Variants in RHOA observed in about 807,000 individuals in gnomAD.
RHOA encodes the protein ras homolog family member A.
RHOA carries 3 observed loss-of-function variants against 17.5 expected under a neutral mutation model. That is an observed-to-expected ratio of 0.17 (90% CI 0.08 to 0.44). RHOA has a LOEUF of 0.44. Among genes scored for constraint, RHOA ranks in the 20% least tolerant of loss-of-function variants. The pLI, the probability that RHOA is intolerant of heterozygous loss-of-function variation, is 0.99. For synonymous variants in RHOA, 98 were observed against 88.4 expected, an observed-to-expected ratio of 1.11 and a Z score of -0.61; for missense variants, 56 against 242.3, an observed-to-expected ratio of 0.23 and a Z score of 5.10.
chr3:49,402,794 T>C (rs1167066963), intron 1 of RHOA, among the ~76,000 whole-genome samples: 2 of 152,096 alleles, frequency 1.3e-5, no homozygotes, highest in Non-Finnish European at 2.9e-5. Flanking sequence ...TTCCAGCACT[T>C]TGGGAGACCG....
intron 3 of RHOA, among the ~76,000 whole-genome samples, chr3:49,364,378 G>A (rs1345694545): frequency 2.6e-5 from 4 of 152,206 alleles, no homozygotes; most frequent in Non-Finnish European, 5.9e-5. Flanking sequence ...CCAGCTACTT[G>A]AGAGGCTGAG....
chr3:49,372,292 G>A (rs2048158342), intron 2 of RHOA, among the ~76,000 whole-genome samples: 1 of 152,164 alleles, frequency 6.6e-6, no homozygotes, highest in Non-Finnish European at 1.5e-5. Flanking sequence ...AACACCCTCT[G>A]TATTGGTTTG....
intron 1 of RHOA, among the ~76,000 whole-genome samples, chr3:49,393,492 T>C (rs1355471251): frequency 6.6e-6 from 1 of 151,788 alleles, no homozygotes; most frequent in Non-Finnish European, 1.5e-5. Context: ...GAGATGGGGT[T>C]CCATCATATG....
At chr3:49,376,881 C>T (rs2048236381) in intron 1 of RHOA, among the ~76,000 whole-genome samples, 1 of 151,986 alleles carries the variant, frequency 6.6e-6, no homozygotes. Context: ...ATAATCCCAG[C>T]ATTTTGGGAG....
chr3:49,389,327 G>A (rs1374402234), intron 1 of RHOA, among the ~76,000 whole-genome samples: 3 of 151,350 alleles, frequency 2.0e-5, no homozygotes, highest in South Asian at 2.1e-4. Context: ...AAAAAAAAAA[G>A]GAGCATAGTG....
At chr3:49,401,041 CAAAAAAAAA>C (rs57354041) in intron 1 of RHOA, among the ~76,000 whole-genome samples, 1 of 67,584 alleles carries the variant, frequency 1.5e-5, no homozygotes, top group African/African-American at 5.4e-5. Context: ...GACTCCGTCT[CAAAAAAAAA>C]AAAAAAAAAA....
Position 49,375,600 on chromosome 3 carries a change from CAA to C in RHOA, c.-2-11_-2-10del, listed in dbSNP as rs548944670. Reference sequence around the variant, plus strand: ...CCGGATGGCAGCCATTGCTGAAACACAAAACACAGATATTACCTGCAATGCAC... The same window carrying C: ...CCGGATGGCAGCCATTGCTGAAACACAACACAGATATTACCTGCAATGCAC... On this transcript the variant is annotated splice_polypyrimidine_tract_variant and intron_variant, in intron 1 of 4. Transcript: ENST00000418115. 12 of 1,612,202 alleles carry C rather than the reference CAA, an allele frequency of 7.4e-6. No individual in the cohort carries two copies. The South Asian group carries it at 1.3e-4, about 18-fold the overall frequency.
At chr3:49,390,002 C>T in intron 1 of RHOA, among the ~76,000 whole-genome samples, 1 of 151,198 alleles carries the variant, frequency 6.6e-6, no homozygotes, top group East Asian at 1.9e-4. Flanking sequence ...CCCAAGTACA[C>T]ATACTGATTT....
intron 1 of RHOA, among the ~76,000 whole-genome samples, chr3:49,400,068 T>C (rs2048696246): frequency 6.6e-6 from 1 of 151,450 alleles, no homozygotes; most frequent in Non-Finnish European, 1.5e-5. Flanking sequence ...AAAAATTAGC[T>C]GGGCATGGTG....
intron 2 of RHOA, among the ~76,000 whole-genome samples, chr3:49,375,202 G>GT (rs946558238): frequency 6.6e-6 from 1 of 151,956 alleles, no homozygotes; most frequent in African/African-American, 2.4e-5. Flanking sequence ...AGAGGTTGCA[G>GT]TGAGCCAAGA....
intron 1 of RHOA, among the ~76,000 whole-genome samples, chr3:49,376,740 A>G (rs2048234568): frequency 6.6e-6 from 1 of 152,112 alleles, no homozygotes; most frequent in Non-Finnish European, 1.5e-5. Flanking sequence ...GGAAAGAACC[A>G]AAAAAGTCAT....
chr3:49,400,788 G>A (rs9871380), intron 1 of RHOA, among the ~76,000 whole-genome samples: 44,924 of 151,580 alleles, frequency 0.3, 7,145 homozygotes, highest in Middle Eastern at 0.33. Flanking sequence ...GCTCACGCCT[G>A]TAATTCCAGC....
At chr3:49,393,428 T>A (rs1340207208) in intron 1 of RHOA, among the ~76,000 whole-genome samples, 1 of 151,452 alleles carries the variant, frequency 6.6e-6, no homozygotes, top group Non-Finnish European at 1.5e-5. Flanking sequence ...CACCTCAGTA[T>A]CCCAAGTAGC....
intron 1 of RHOA, among the ~76,000 whole-genome samples, chr3:49,386,855 G>A (rs1035891402): frequency 6.6e-6 from 1 of 151,974 alleles, no homozygotes; most frequent in African/African-American, 2.4e-5. Context: ...GCTCACGCCT[G>A]TAATCCCAGC....
chr3:49,360,422 T>C, intron 4 of RHOA, 40 bp from the exon 5 acceptor site: 1 of 1,566,404 alleles, frequency 6.4e-7, no homozygotes, highest in South Asian at 1.2e-5. Context: ...GCTAATAGTG[T>C]GGCATACATA....
At chr3:49,385,501 C>G (rs897988468) in intron 1 of RHOA, among the ~76,000 whole-genome samples, 10 of 152,092 alleles carry the variant, frequency 6.6e-5, no homozygotes, top group Non-Finnish European at 1.0e-4. Flanking sequence ...CAGCAATGAG[C>G]CACCGCACCC....
intron 1 of RHOA, among the ~76,000 whole-genome samples, chr3:49,403,020 G>C (rs1244167713): frequency 2.1e-5 from 3 of 142,002 alleles, no homozygotes; most frequent in Non-Finnish European, 3.0e-5. Flanking sequence ...CTGGGCAACA[G>C]AGCGAGATTC....
intron 1 of RHOA, among the ~76,000 whole-genome samples, chr3:49,400,266 C>A (rs2048701793): frequency 1.3e-5 from 2 of 151,368 alleles, no homozygotes; most frequent in Admixed American, 6.6e-5. Flanking sequence ...GCCCCCCTCT[C>A]CCCCAACATC....
intron 3 of RHOA, among the ~76,000 whole-genome samples, chr3:49,365,661 G>A (rs2048043839): frequency 6.7e-6 from 1 of 149,474 alleles, no homozygotes; most frequent in Non-Finnish European, 1.5e-5. Context: ...TGCGATCTCG[G>A]CTCACTGCAA....
Sources: gnomAD v4.1 joint callset for allele counts (sites outside exome capture counted in the v4.1 genomes callset) on GRCh38, gnomAD v4.1.1 for gene constraint, MANE v1.5 for transcripts, NCBI Gene and HGNC (gene_info 2026-07-23, HGNC 2026-07-21) for gene names.